The following SPP2 variants were observed in gnomAD, a reference collection of about 807,000 sequenced individuals.
SPP2 encodes secreted phosphoprotein 24.
A neutral mutation model predicts 28.8 loss-of-function variants in SPP2; 34 were observed. The observed-to-expected ratio is 1.18, with a 90% CI of 0.90 to 1.57. The LOEUF (loss-of-function observed/expected upper bound fraction) is 1.57, where lower values mean the gene tolerates loss of function less well. SPP2 is among the 40% of genes most tolerant of loss of function. SPP2 has a pLI of 0.00. For synonymous variants in SPP2, 96 were observed against 89.4 expected (o/e 1.07, Z -0.42); for missense variants, 269 against 263.9 (o/e 1.02, Z -0.13).
At chr2:234,058,345 A>G (rs1365283067) in intron 2 of SPP2, among the ~76,000 whole-genome samples, 1 of 152,240 alleles carries the variant, frequency 6.6e-6, no homozygotes, top group East Asian at 1.9e-4. Flanking sequence ...CTTGTTTTCA[A>G]TATGAGAGTT....
intron 4 of SPP2, among the ~76,000 whole-genome samples, chr2:234,061,132 C>A (rs1559174265): frequency 6.6e-6 from 1 of 152,108 alleles, no homozygotes; most frequent in Non-Finnish European, 1.5e-5. Context: ...CTTATTTTTC[C>A]TCAATTGCAT....
chr2:234,067,228 C>T lies in SPP2; in HGVS notation c.504C>T (p.Leu168=), dbSNP rs1693840110. The change falls in exon 6 of 8, where the codon CTC becomes CTT. Residue 168 remains leucine (L), a synonymous_variant. Coordinates refer to ENST00000168148, the MANE Select transcript of SPP2 (RefSeq NM_006944.3). Reference sequence around the variant, plus strand: ...ATGATTATTACTGTGTTACAGGTCTCATTTCAGACGAGTCCATAAGTGAAC... The same window carrying T: ...ATGATTATTACTGTGTTACAGGTCTTATTTCAGACGAGTCCATAAGTGAAC... ...HKWRNNYLFG[L]ISDESISEQF... The T allele has an allele frequency of 1.2e-6, 2 of 1,613,754 alleles. No individual in the cohort carries two copies. Among genetic ancestry groups the T allele is most frequent in the Admixed American group, 1.7e-5 (1 of 59,994 alleles).
In SPP2 at chr2:234,050,953, A is replaced by G. The variant is rs1193711219; in HGVS notation, c.86-18A>G. 4.3e-6 allele frequency: 7 copies of G among 1,613,760 alleles called. No homozygotes were observed. Among genetic ancestry groups the G allele is most frequent in the Non-Finnish European group, 1.7e-6 (2 of 1,179,902 alleles). ...CCTGTGTCTTGTCTCACTGTGCCCC[A>G]TGTGCTTGCGTGTCCAGGTTTCCCA... On this transcript the variant is annotated intron_variant, in intron 1 of 7. Coordinates refer to ENST00000168148, the MANE Select transcript of SPP2 (RefSeq NM_006944.3).
chr2:234,068,254 G>A (rs949706253), intron 6 of SPP2, among the ~76,000 whole-genome samples: 1 of 152,178 alleles, frequency 6.6e-6, no homozygotes, highest in African/African-American at 2.4e-5. Context: ...TTCTTCTTCA[G>A]TGTCACAAAC....
intron 7 of SPP2, among the ~76,000 whole-genome samples, chr2:234,075,153 C>T (rs1168087166): frequency 2.0e-5 from 3 of 152,120 alleles, no homozygotes; most frequent in Non-Finnish European, 2.9e-5. Flanking sequence ...TTTGCTGCTC[C>T]GTGCCTGTCT....
chr2:234,056,100 C>A (rs1693602062), intron 2 of SPP2: 2 of 151,964 alleles, frequency 1.3e-5, no homozygotes, highest in Non-Finnish European at 2.9e-5. Flanking sequence ...TTCTGCACGG[C>A]AAAATAAACT....
chr2:234,075,737 C>T (rs1690882401), intron 7 of SPP2, among the ~76,000 whole-genome samples: 1 of 152,210 alleles, frequency 6.6e-6, no homozygotes, highest in African/African-American at 2.4e-5. Context: ...CCCCTCTCCT[C>T]CACACTGTCC....
intron 4 of SPP2, among the ~76,000 whole-genome samples, chr2:234,063,988 G>T (rs1451451508): frequency 1.3e-5 from 2 of 152,146 alleles, no homozygotes; most frequent in Admixed American, 6.5e-5. Context: ...GCCAAAAAGA[G>T]GTAATTCCCT....
chr2:234,068,115 T>G (rs1693863910), intron 6 of SPP2, among the ~76,000 whole-genome samples: 1 of 152,170 alleles, frequency 6.6e-6, no homozygotes, highest in Non-Finnish European at 1.5e-5. Context: ...GTTTTCTCAT[T>G]TGGTCCTCAT....
intron 7 of SPP2, among the ~76,000 whole-genome samples, chr2:234,071,692 A>G (rs190581885): frequency 6.6e-6 from 1 of 152,216 alleles, no homozygotes; most frequent in Non-Finnish European, 1.5e-5. Context: ...AGTGTAGCTC[A>G]CAATGGCTTT....
chr2:234,051,052 T>C lies in SPP2; in HGVS notation c.167T>C (p.Leu56Pro), dbSNP rs961742512. 5 of 1,613,904 alleles carry C rather than the reference T, an allele frequency of 3.1e-6. No individual in the cohort carries two copies. The African/African-American group carries it at 6.7e-5, about 22-fold the overall frequency. The change falls in exon 2 of 8, where the codon CTG becomes CCG. Residue 56 changes from leucine (L) to proline (P), a missense_variant. Leu to Pro is a moderately conservative substitution (Grantham distance 98). Coordinates refer to ENST00000168148, the MANE Select transcript of SPP2 (RefSeq NM_006944.3). ...ASVVKVNSQS[L>P]SPYLFRAFRS... ...GTGGTAAAAGTGAATTCCCAGTCAC[T>C]GAGTCCGTATCTGTTTCGGGCATTC... is the stretch of plus-strand genomic sequence containing the variant.
At chr2:234,070,218 C>G (rs1690725660) in intron 7 of SPP2, among the ~76,000 whole-genome samples, 195 bp downstream of exon 7, 1 of 152,218 alleles carries the variant, frequency 6.6e-6, no homozygotes, top group African/African-American at 2.4e-5. Context: ...TTTCCCATGA[C>G]ATTTGTATCT....
chr2:234,066,862 G>T (rs958142517), intron 5 of SPP2, among the ~76,000 whole-genome samples: 1 of 152,124 alleles, frequency 6.6e-6, no homozygotes, highest in Non-Finnish European at 1.5e-5. Context: ...CCAAGTAAGC[G>T]GAGCCAGTGT....
In SPP2 at chr2:234,066,406, C is replaced by T. The variant is rs1265173468; in HGVS notation, c.445-127C>T. 6.6e-6 allele frequency: 5 copies of T among 751,996 alleles called. No individual in the cohort carries two copies. The East Asian group carries it at 7.8e-5, about 12-fold the overall frequency. The allele number at this position is 751,996 out of a possible 1,614,324, so 46.6% of individuals were successfully genotyped here. ...TAAAGTTATTTAATATAACGTATTG[C>T]CTATTTCATTAAAAATGGATTATAT... On this transcript the variant is annotated intron_variant, in intron 4 of 7. Transcript: ENST00000168148.
intron 3 of SPP2, 102 bp downstream of exon 3, chr2:234,059,060 A>ATCTGG: frequency 7.2e-7 from 1 of 1,397,538 alleles, no homozygotes; most frequent in South Asian, 1.5e-5. Flanking sequence ...CCTGGCTAGC[A>ATCTGG]TCTGGCCACA....
rs761197403 is a variant in SPP2, at chr2:234,069,969, C to T, written c.592C>T (p.Pro198Ser). The T allele has an allele frequency of 8.7e-6, 14 of 1,613,234 alleles. No homozygotes were observed. The South Asian group carries it at 1.4e-4, about 16-fold the overall frequency. ...ATTGCCTCCTGGAAACAGAAGGTAC[C>T]CAAACCACCGGCACAGAGCAAGAAT... Reference protein sequence around the residue: ...RVLPPGNRRYPNHRHRARINT... With the variant: ...RVLPPGNRRYSNHRHRARINT... Residue 198 changes from proline to serine, a missense_variant, in exon 7 of 8, where the codon CCA becomes TCA. Transcript: ENST00000168148.
intron 7 of SPP2, 140 bp downstream of exon 7, chr2:234,070,163 G>T: frequency 1.7e-6 from 1 of 603,282 alleles, no homozygotes; most frequent in South Asian, 1.8e-5. Flanking sequence ...TCCTTCCCAA[G>T]ACTTCTCCTC....
At chr2:234,070,898 A>G (rs554223537) in intron 7 of SPP2, among the ~76,000 whole-genome samples, 1 of 152,146 alleles carries the variant, frequency 6.6e-6, no homozygotes, top group East Asian at 1.9e-4. Context: ...TTCCAAACAC[A>G]TGTCTCTTAC....
intron 4 of SPP2, among the ~76,000 whole-genome samples, chr2:234,061,201 AATTAT>A (rs1001100548): frequency 6.6e-6 from 1 of 152,148 alleles, no homozygotes; most frequent in East Asian, 1.9e-4. Context: ...TTTTCCTTGA[AATTAT>A]ATTATATAAG....
Sources: gnomAD v4.1 joint callset for allele counts (sites outside exome capture counted in the v4.1 genomes callset) on GRCh38, gnomAD v4.1.1 for gene constraint, MANE v1.5 for transcripts, NCBI Gene and HGNC (gene_info 2026-07-23, HGNC 2026-07-21) for gene names.